Variants in ABITRAM observed in about 807,000 individuals in gnomAD.
ABITRAM encodes the protein actin binding transcription modulator.
Under a neutral mutation model 22.9 loss-of-function variants are expected in ABITRAM, and 19 were observed. That is an observed-to-expected ratio of 0.83 (90% confidence interval 0.58 to 1.22). The LOEUF (loss-of-function observed/expected upper bound fraction) is 1.22, where lower values mean the gene tolerates loss of function less well. ABITRAM is among the 50% of genes most tolerant of loss of function. The pLI is 0.00. For synonymous variants in ABITRAM, 70 were observed against 73.9 expected, an observed-to-expected ratio of 0.95 and a Z score of 0.27; for missense variants, 215 against 220.2, an observed-to-expected ratio of 0.98 and a Z score of 0.15.
At chr9:108,936,549 A>T (rs1830189586) in intron 3 of ABITRAM, 112 bp downstream of exon 3, 1 of 1,193,924 alleles carries the variant, frequency 8.4e-7, no homozygotes, top group Admixed American at 2.4e-5. Context: ...CTTCTCTAGC[A>T]GTTTGAGGTG....
chr9:108,935,786 T>A, intron 2 of ABITRAM, 97 bp downstream of exon 2: 1 of 747,546 alleles, frequency 1.3e-6, no homozygotes, highest in Non-Finnish European at 2.3e-6. Context: ...AAATGTTCAC[T>A]AAACAAACAT....
downstream of ABITRAM, among the ~76,000 whole-genome samples, chr9:108,942,313 C>T (rs1010750191): frequency 2.0e-5 from 3 of 152,190 alleles, no homozygotes; most frequent in Non-Finnish European, 4.4e-5. Context: ...GGATTTTTGT[C>T]ACACTTGGTA....
intron 2 of ABITRAM, 27 bp from the exon 3 acceptor site, chr9:108,936,281 C>T (rs201770790): frequency 2.4e-5 from 39 of 1,605,950 alleles, no homozygotes; most frequent in Non-Finnish European, 3.1e-5. Flanking sequence ...CAAGCAATCA[C>T]ACAGGATCAA....
chr9:108,935,740 T>C (rs776105876), intron 2 of ABITRAM, 51 bp downstream of exon 2: 1 of 1,220,078 alleles, frequency 8.2e-7, no homozygotes, highest in Non-Finnish European at 1.2e-6. Flanking sequence ...TTCCTGGTAT[T>C]GTAGCCTGGT....
At chr9:108,942,123 C>T (rs1404379415), downstream of ABITRAM, among the ~76,000 whole-genome samples, 1 of 152,174 alleles carries the variant, frequency 6.6e-6, no homozygotes, top group Non-Finnish European at 1.5e-5. Context: ...GAACTAGAAC[C>T]AAAAACCCAT....
chr9:108,939,247 G>A lies in ABITRAM; in HGVS notation c.313G>A (p.Asp105Asn), dbSNP rs1464284454. ...ACCTCTCTGTAAGATTTACTGCTCA[G>A]ATGGTGAAGAATATACTGTGTCTAG... The part of the protein sequence containing the change: ...LAPLCKIYCS[D>N]GEEYTVSSCV... The change falls in exon 4 of 6, where the codon GAT becomes AAT. Residue 105 changes from aspartate to asparagine, a missense_variant. Physicochemically the swap from Asp to Asn is conservative, Grantham distance 23. Coordinates refer to ENST00000322940, the MANE Select transcript of ABITRAM (RefSeq NM_017832.4). 23 of 1,613,930 alleles carry A rather than the reference G, an allele frequency of 1.4e-5. No homozygotes were observed. The East Asian group carries it at 5.1e-4, about 36-fold the overall frequency.
At chr9:108,942,877 A>G, downstream of ABITRAM, 1 of 1,612,194 alleles carries the variant, frequency 6.2e-7, no homozygotes, top group Non-Finnish European at 8.5e-7. Flanking sequence ...TCACTCTGAA[A>G]AAAAAATTAC....
In ABITRAM at chr9:108,934,447, G is replaced by A; in HGVS notation, c.-40G>A. The A allele has an allele frequency of 6.4e-7, 1 of 1,557,390 alleles. No homozygotes were observed. Among genetic ancestry groups the A allele is most frequent in the African/African-American group, 1.4e-5 (1 of 71,570 alleles). ...GTCCGGGCTGCGCGGAGGAAGCGCT[G>A]GGGTCCCGGAGGGCGGGGGTGGCGG... On this transcript the variant is annotated 5_prime_UTR_variant, in exon 1 of 6. Coordinates refer to ENST00000322940, the MANE Select transcript of ABITRAM (RefSeq NM_017832.4).
chr9:108,940,933 TA>T lies in ABITRAM; in HGVS notation c.*1251del, dbSNP rs1830248254. ...ACATGTCAATATCACTGTTTTTAAA[TA>T]AAATATACTTTTATACAGAAGAAAT... On this transcript the variant is annotated 3_prime_UTR_variant, in exon 6 of 6. Transcript: ENST00000322940. 1.3e-5 allele frequency: 2 copies of T among 152,214 alleles called. No homozygotes were observed. Among genetic ancestry groups the T allele is most frequent in the Admixed American group, 6.5e-5 (1 of 15,280 alleles). The allele number at this position is 152,214 out of a possible 1,614,324, so 9.4% of individuals were successfully genotyped here.
At chr9:108,946,103 A>C (rs879312169) in intron 3 of ABITRAM, among the ~76,000 whole-genome samples, 37 of 152,154 alleles carry the variant, frequency 2.4e-4, no homozygotes, top group South Asian at 1.2e-3. Flanking sequence ...GATCGAGACC[A>C]TCCTGGCCAA....
At chr9:108,943,187 C>T, downstream of ABITRAM, 1 of 754,668 alleles carries the variant, frequency 1.3e-6, no homozygotes. Flanking sequence ...GGCACATGAG[C>T]TGACTCAAAG....
chr9:108,949,521 A>G (rs1224971045), intron 3 of ABITRAM, among the ~76,000 whole-genome samples: 1 of 152,210 alleles, frequency 6.6e-6, no homozygotes. Flanking sequence ...CATCCTGGCT[A>G]ACACAGCGAA....
At chr9:108,936,088 G>A (rs1035194395) in intron 2 of ABITRAM, 10 of 562,364 alleles carry the variant, frequency 1.8e-5, no homozygotes, top group Non-Finnish European at 3.1e-5. Context: ...AAGACCTCTG[G>A]TACTCTTCCC....
intron 3 of ABITRAM, among the ~76,000 whole-genome samples, chr9:108,946,610 T>C (rs1830411408): frequency 6.6e-6 from 1 of 152,222 alleles, no homozygotes; most frequent in Non-Finnish European, 1.5e-5. Context: ...TACTTACATA[T>C]GTGCACTGAA....
rs1450756857 is a variant in ABITRAM at position 108,939,627 on chromosome 9, C to G, written c.487C>G (p.Gln163Glu). 1 of 1,613,878 alleles carries G rather than the reference C, an allele frequency of 6.2e-7. No individual in the cohort carries two copies. Among genetic ancestry groups the G allele is most frequent in the Non-Finnish European group, 8.5e-7 (1 of 1,179,926 alleles). The change falls in exon 6 of 6, where the codon CAA becomes GAA. Residue 163 changes from glutamine (Q) to glutamate (E), a missense_variant. Physicochemically the swap from Gln to Glu is conservative, Grantham distance 29 (BLOSUM62 2). Transcript: ENST00000322940. ...AAGCATAACAGAAGGGTTACTGACACAAAAACAATATGAAGAAGTCATGGT... is the reference window on the plus strand; with the variant it reads ...AAGCATAACAGAAGGGTTACTGACAGAAAAACAATATGAAGAAGTCATGGT... ...SKSITEGLLT[Q>E]KQYEEVMVKR...
At chr9:108,943,258 G>A (rs1456833966), downstream of ABITRAM, among the ~76,000 whole-genome samples, 13 of 152,194 alleles carry the variant, frequency 8.5e-5, no homozygotes, top group Admixed American at 4.6e-4. Flanking sequence ...TGGAACCCCA[G>A]CAGAAAGAGT....
intron 3 of ABITRAM, among the ~76,000 whole-genome samples, chr9:108,936,975 A>C (rs1235444774): frequency 6.6e-6 from 1 of 152,154 alleles, no homozygotes; most frequent in African/African-American, 2.4e-5. Flanking sequence ...AGCCTGGCCA[A>C]CGGGGTGAAA....
chr9:108,942,678 G>C (rs1399075272), downstream of ABITRAM: 2 of 895,744 alleles, frequency 2.2e-6, no homozygotes, highest in East Asian at 5.0e-5. Flanking sequence ...TTATAAAATT[G>C]ATGAATTTCT....
In ABITRAM at chr9:108,936,180, A is replaced by G. The variant is rs1258436015; in HGVS notation, c.132-128A>G. 4.9e-6 allele frequency: 5 copies of G among 1,022,878 alleles called. No homozygotes were observed. The African/African-American group carries it at 6.5e-5, about 13-fold the overall frequency. 63.4% of individuals were successfully genotyped at this position (1,022,878 alleles called of 1,614,324 possible). On this transcript the variant is annotated intron_variant, in intron 2 of 5. Coordinates refer to ENST00000322940, the MANE Select transcript of ABITRAM (RefSeq NM_017832.4). ...TACAGTTATGCCCCAATAGTAGCCA[A>G]AGGAAAAAGGGGGAAGATGATAGTT...
Sources: gnomAD v4.1 joint callset for allele counts (sites outside exome capture counted in the v4.1 genomes callset) on GRCh38, gnomAD v4.1.1 for gene constraint, MANE v1.5 for transcripts, NCBI Gene and HGNC (gene_info 2026-07-23, HGNC 2026-07-21) for gene names.